The following CCSER2 variants were observed in gnomAD, a reference collection of about 807,000 sequenced individuals.
CCSER2 encodes the protein coiled-coil serine rich protein 2, also known as serine-rich coiled-coil domain-containing protein 2.
A neutral mutation model predicts 92.3 loss-of-function variants in CCSER2; 46 were observed. The observed-to-expected ratio is 0.50, with a 90% confidence interval of 0.39 to 0.64. CCSER2 has a LOEUF of 0.64. CCSER2 is among the 30% of genes least tolerant of loss of function. The pLI is 0.00. For missense variants in CCSER2, 1,244 were observed against 1,238.9 expected (o/e 1.00, Z -0.06); for synonymous variants, 433 against 431.4 (o/e 1.00, Z -0.04).
At chr10:84,457,231 A>AT (rs1242136608) in intron 6 of CCSER2, among the ~76,000 whole-genome samples, 2 of 92,180 alleles carry the variant, frequency 2.2e-5, no homozygotes, top group African/African-American at 8.1e-5. Context: ...ATTATATATA[A>AT]ATATATTATA....
intron 1 of CCSER2, among the ~76,000 whole-genome samples, chr10:84,348,118 T>C (rs1589410572): frequency 6.6e-6 from 1 of 151,554 alleles, no homozygotes; most frequent in Admixed American, 6.6e-5. Context: ...GAGGTGGAGG[T>C]TGTAGAGAGC....
At chr10:84,475,924 C>T (rs1847110341) in intron 8 of CCSER2, among the ~76,000 whole-genome samples, 1 of 152,072 alleles carries the variant, frequency 6.6e-6, no homozygotes, top group East Asian at 1.9e-4. Context: ...CCTCAACCTC[C>T]CAAGCTCAGG....
chr10:84,425,288 A>G (rs1843369627), intron 4 of CCSER2: 3 of 367,620 alleles, frequency 8.2e-6, no homozygotes, highest in Non-Finnish European at 1.1e-5. Flanking sequence ...GCTTCTTGAG[A>G]TCAGTGAAAA....
chr10:84,392,158 G>A (rs569974985), intron 3 of CCSER2: 15 of 563,676 alleles, frequency 2.7e-5, no homozygotes, highest in Admixed American at 1.4e-4. Flanking sequence ...AGGGTAAACC[G>A]GTAGGGAATA....
chr10:84,499,286 C>T (rs1175475618), intron 9 of CCSER2, among the ~76,000 whole-genome samples: 10 of 152,096 alleles, frequency 6.6e-5, no homozygotes, highest in South Asian at 6.2e-4. Context: ...CAGGTGGCTG[C>T]CACCACACCT....
At chr10:84,407,905 A>G (rs1424392184) in intron 3 of CCSER2, among the ~76,000 whole-genome samples, 1 of 152,102 alleles carries the variant, frequency 6.6e-6, no homozygotes, top group East Asian at 1.9e-4. Context: ...AACTCACAAA[A>G]TGAGACTTTC....
chr10:84,512,121 C>T (rs773724053), intron 9 of CCSER2, among the ~76,000 whole-genome samples: 13 of 151,950 alleles, frequency 8.6e-5, no homozygotes, highest in Non-Finnish European at 1.8e-4. Flanking sequence ...TAATCTAATC[C>T]CTGGCTGCTG....
chr10:84,344,281 AT>A (rs753812884), intron 1 of CCSER2, among the ~76,000 whole-genome samples: 1 of 152,140 alleles, frequency 6.6e-6, no homozygotes, highest in Non-Finnish European at 1.5e-5. Context: ...AGATTCTCTC[AT>A]TCTAAATGTA....
intron 6 of CCSER2, among the ~76,000 whole-genome samples, chr10:84,442,433 T>G (rs1187560034): frequency 1.3e-5 from 2 of 152,200 alleles, no homozygotes; most frequent in Non-Finnish European, 2.9e-5. Flanking sequence ...GATTGTTGAC[T>G]GAAAAAAGTA....
intron 9 of CCSER2, among the ~76,000 whole-genome samples, chr10:84,489,210 G>T (rs186220591): frequency 3.1e-4 from 47 of 152,222 alleles, no homozygotes; most frequent in African/African-American, 1.0e-3. Flanking sequence ...AGAATGTATA[G>T]TCTGTTGATT....
intron 3 of CCSER2, among the ~76,000 whole-genome samples, chr10:84,376,906 A>AT (rs1659015631): frequency 6.6e-6 from 1 of 151,464 alleles, no homozygotes; most frequent in Non-Finnish European, 1.5e-5. Flanking sequence ...TTGCATTGAG[A>AT]TTTTGTCTTG....
chr10:84,391,430 A>G, intron 3 of CCSER2: 1 of 1,553,358 alleles, frequency 6.4e-7, no homozygotes, highest in Non-Finnish European at 8.9e-7. Context: ...AGTTCGACAG[A>G]GTTATTTTGC....
chr10:84,475,927 A>G (rs1472242121), intron 8 of CCSER2, among the ~76,000 whole-genome samples: 6 of 151,868 alleles, frequency 4.0e-5, no homozygotes, highest in African/African-American at 1.5e-4. Flanking sequence ...CAACCTCCCA[A>G]GCTCAGGTGA....
Position 84,354,058 on chromosome 10 carries a change from G to A in CCSER2, c.-39-16956G>A, listed in dbSNP as rs576814058. Among the ~76,000 whole-genome samples the A allele has an allele frequency of 1.1e-4, 16 of 152,108 alleles. No individual in the cohort carries two copies. The South Asian group carries it at 3.3e-3, about 32-fold the overall frequency. On this transcript the variant is annotated intron_variant, in intron 1 of 9. Transcript: ENST00000372088. ...TACAAAAAATACAAAAATTAGCCAG[G>A]TGTGGTTGCACACACCTGTAGTCCC...
chr10:84,441,888 C>T (rs1484082277), intron 6 of CCSER2, among the ~76,000 whole-genome samples: 1 of 151,408 alleles, frequency 6.6e-6, no homozygotes, highest in African/African-American at 2.4e-5. Flanking sequence ...TCCCTAGTAG[C>T]TGGGACTACA....
At position 84,516,841 on chromosome 10, in the gene CCSER2, C is replaced by T. The variant is rs141848845; in HGVS notation, c.*2574C>T. 1.3e-5 allele frequency: 2 copies of T among 151,826 alleles called. No individual in the cohort carries two copies. Among genetic ancestry groups the T allele is most frequent in the African/African-American group, 2.4e-5 (1 of 41,310 alleles). 9.4% of individuals were successfully genotyped at this position (151,826 alleles called of 1,614,324 possible). On this transcript the variant is annotated 3_prime_UTR_variant, in exon 10 of 10. Transcript: ENST00000372088. ...TTAATCTTTTAGAAGATAGGCTTAT[C>T]GTATATTTATGAAGCATAATATATT...
At chr10:84,446,023 C>CT (rs1360144811) in intron 6 of CCSER2, among the ~76,000 whole-genome samples, 1 of 151,688 alleles carries the variant, frequency 6.6e-6, no homozygotes, top group African/African-American at 2.4e-5. Flanking sequence ...TTAGTAGATA[C>CT]TACAAAGGTT....
intron 4 of CCSER2, among the ~76,000 whole-genome samples, chr10:84,423,284 G>C (rs1386217138): frequency 6.6e-6 from 1 of 152,184 alleles, no homozygotes; most frequent in East Asian, 1.9e-4. Context: ...ACTTCCTGCA[G>C]AATCTTGGAG....
intron 1 of CCSER2, among the ~76,000 whole-genome samples, chr10:84,367,316 C>T (rs1252052595): frequency 6.6e-6 from 1 of 151,352 alleles, no homozygotes; most frequent in East Asian, 1.9e-4. Context: ...AATTATCTTT[C>T]TGTTCAGCCT....
Sources: gnomAD v4.1 joint callset for allele counts (sites outside exome capture counted in the v4.1 genomes callset) on GRCh38, gnomAD v4.1.1 for gene constraint, MANE v1.5 for transcripts, NCBI Gene and HGNC (gene_info 2026-07-23, HGNC 2026-07-21) for gene names.